MAP1LC3A: variants seen among roughly 807,000 people sequenced by gnomAD.
The protein encoded by MAP1LC3A is microtubule-associated protein 1 light chain 3 alpha.
MAP1LC3A carries 10 observed loss-of-function variants against 15.2 expected under a neutral mutation model. The ratio of observed to expected loss-of-function variants is 0.66; its 90% CI spans 0.41 to 1.12. The LOEUF (loss-of-function observed/expected upper bound fraction) is 1.12. MAP1LC3A is among the 50% of genes most tolerant of loss of function. MAP1LC3A has a pLI of 0.00. For synonymous variants in MAP1LC3A, 63 were observed against 64.3 expected (o/e 0.98, Z 0.10); for missense variants, 138 against 167.3 (o/e 0.82, Z 0.97).
chr20:34,551,129 G>GT (rs1981930176), intron 2 of MAP1LC3A, among the ~76,000 whole-genome samples: 1 of 151,762 alleles, frequency 6.6e-6, no homozygotes, highest in Non-Finnish European at 1.5e-5. Context: ...GCATGCTCCC[G>GT]TAATCCCAGC....
chr20:34,549,119 G>A (rs1431749148), intron 1 of MAP1LC3A, among the ~76,000 whole-genome samples: 2 of 152,194 alleles, frequency 1.3e-5, no homozygotes, highest in Non-Finnish European at 2.9e-5. Context: ...TCCGCCTCCC[G>A]GGTTCAAGTG....
rs1395187025 is a variant in MAP1LC3A at position 34,559,196 on chromosome 20, C to G, written c.41-12C>G. ...GCCCGACCCGGCCTCACGGTCTGGC[C>G]GCTGTCCGCAGCCGACCGCTGTAAG... On this transcript the variant is annotated splice_polypyrimidine_tract_variant and intron_variant, in intron 1 of 3. Transcript: ENST00000360668. 1.3e-6 allele frequency: 2 copies of G among 1,581,198 alleles called. No homozygotes were observed. The highest frequency in any genetic ancestry group is 1.2e-5 in the South Asian group (1 of 86,756).
rs1982296846 is a variant in MAP1LC3A at position 34,559,079 on chromosome 20, G to A, written c.41-129G>A. ...TTCCCCACCGCGATAGGTGCCAGGGGCTGTGGGGCCTGATGGCCCCGGGGG... is the reference window on the plus strand; with the variant it reads ...TTCCCCACCGCGATAGGTGCCAGGGACTGTGGGGCCTGATGGCCCCGGGGG... On this transcript the variant is annotated intron_variant, in intron 1 of 3. Transcript: ENST00000360668. 8 of 1,342,044 alleles carry A rather than the reference G, an allele frequency of 6.0e-6. No individual in the cohort carries two copies. The East Asian group carries it at 2.1e-4, about 35-fold the overall frequency. The allele number at this position is 1,342,044 out of a possible 1,614,324, so 83.1% of individuals were successfully genotyped here. A position where few individuals can be genotyped will look rare whatever the true frequency, so the allele number is the denominator to read the frequency against.
chr20:34,549,840 C>A (rs1600564468), intron 1 of MAP1LC3A: 1 of 682,244 alleles, frequency 1.5e-6, no homozygotes, highest in Middle Eastern at 2.5e-4. Context: ...AGTCTTCAAT[C>A]TCGTCCAGAG....
intron 2 of MAP1LC3A, among the ~76,000 whole-genome samples, chr20:34,550,897 G>A (rs1305013482): frequency 6.6e-6 from 1 of 152,086 alleles, no homozygotes; most frequent in African/African-American, 2.4e-5. Flanking sequence ...AACAGCCCAG[G>A]CATCCATCAA....
intron 1 of MAP1LC3A, among the ~76,000 whole-genome samples, chr20:34,549,123 T>G (rs1021695855): frequency 6.6e-6 from 1 of 152,242 alleles, no homozygotes; most frequent in Non-Finnish European, 1.5e-5. Context: ...CCTCCCGGGT[T>G]CAAGTGATTC....
chr20:34,550,088 C>A, intron 2 of MAP1LC3A: 2 of 1,548,610 alleles, frequency 1.3e-6, no homozygotes, highest in Non-Finnish European at 1.8e-6. Flanking sequence ...TCTGTCCACA[C>A]TCGCGGTCAT....
At chr20:34,558,538 GC>G (rs1982246215), upstream of MAP1LC3A, 2 of 1,120,824 alleles carry the variant, frequency 1.8e-6, no homozygotes, top group Admixed American at 5.0e-5. This position sits in a 1 kb window ranked among gnomAD's most constrained non-coding sequence, Gnocchi z 4.3. Context: ...AAGCTCCCGC[GC>G]TGCCCATGAC....
upstream of MAP1LC3A, among the ~76,000 whole-genome samples, chr20:34,554,894 G>A (rs955742235): frequency 2.7e-5 from 4 of 149,484 alleles, no homozygotes; most frequent in Non-Finnish European, 4.4e-5. Context: ...TTTTTGTAGA[G>A]ATGGGGTTTC....
At chr20:34,555,845 T>TC (rs1491232290), upstream of MAP1LC3A, among the ~76,000 whole-genome samples, 17 of 148,984 alleles carry the variant, frequency 1.1e-4, no homozygotes, top group Non-Finnish European at 2.2e-4. Context: ...AAGTTTTCTT[T>TC]CTTTTTTTTT....
At chr20:34,548,255 G>T (rs1981813257) in intron 1 of MAP1LC3A, among the ~76,000 whole-genome samples, 1 of 152,246 alleles carries the variant, frequency 6.6e-6, no homozygotes, top group Non-Finnish European at 1.5e-5. Flanking sequence ...ACAGCTGGAA[G>T]CCAAACTGGA....
intron 2 of MAP1LC3A, among the ~76,000 whole-genome samples, chr20:34,550,266 T>C (rs942892917): frequency 1.3e-5 from 2 of 152,200 alleles, no homozygotes; most frequent in Non-Finnish European, 2.9e-5. Context: ...TGAGACCCCC[T>C]GAGCAGAAAC....
At chr20:34,554,566 G>A (rs1299810777), upstream of MAP1LC3A, among the ~76,000 whole-genome samples, 1 of 151,472 alleles carries the variant, frequency 6.6e-6, no homozygotes, top group Non-Finnish European at 1.5e-5. Context: ...TAGAGACGGG[G>A]TTTCACCATG....
At chr20:34,559,640 A>G in intron 3 of MAP1LC3A, 96 bp from the exon 4 acceptor site, 1 of 1,372,628 alleles carries the variant, frequency 7.3e-7, no homozygotes, top group Non-Finnish European at 1.0e-6. Flanking sequence ...TGGGGTGAGA[A>G]TGGGTGTGAA....
At chr20:34,547,696 C>T (rs1283689444) in intron 1 of MAP1LC3A, among the ~76,000 whole-genome samples, 1 of 152,142 alleles carries the variant, frequency 6.6e-6, no homozygotes, top group African/African-American at 2.4e-5. Flanking sequence ...CGTCACCTTC[C>T]TCCAGGATTG....
upstream of MAP1LC3A, among the ~76,000 whole-genome samples, chr20:34,555,992 G>A (rs1005016369): frequency 4.0e-5 from 6 of 151,818 alleles, no homozygotes; most frequent in African/African-American, 1.2e-4. Flanking sequence ...ACAGGCGCCC[G>A]CCACCACGCC....
chr20:34,547,371 AT>A (rs916576485), intron 1 of MAP1LC3A, among the ~76,000 whole-genome samples: 12 of 141,166 alleles, frequency 8.5e-5, no homozygotes, highest in South Asian at 2.3e-4. Flanking sequence ...TGGCAGTGGA[AT>A]TTTTTTTTTA....
At chr20:34,551,983 G>A (rs932391480) in intron 2 of MAP1LC3A, among the ~76,000 whole-genome samples, 2 of 152,186 alleles carry the variant, frequency 1.3e-5, no homozygotes, top group South Asian at 2.1e-4. Context: ...GGACAGAGAC[G>A]TAATAAAGCA....
At position 34,559,923 on chromosome 20, in the gene MAP1LC3A, G is replaced by A. The variant is rs1982377194; in HGVS notation, c.*25G>A. On this transcript the variant is annotated 3_prime_UTR_variant, in exon 4 of 4. Coordinates refer to ENST00000360668, the MANE Select transcript of MAP1LC3A (RefSeq NM_032514.4). The stretch of plus-strand genomic sequence containing the variant: ...AGCCAGCAGTAGGGGGGCTCGGCCT[G>A]GGAGTCGGGCGGCCCCGGTCAGGCC... The A allele has an allele frequency of 6.3e-7, 1 of 1,597,962 alleles. No homozygotes were observed. Among genetic ancestry groups the A allele is most frequent in the Non-Finnish European group, 8.5e-7 (1 of 1,173,062 alleles).
Sources: allele counts gnomAD v4.1 joint callset (sites outside exome capture counted in the v4.1 genomes callset), GRCh38; gene constraint gnomAD v4.1.1; non-coding constraint Gnocchi (gnomAD v3.1); transcripts MANE v1.5; gene names NCBI Gene and HGNC (gene_info 2026-07-23, HGNC 2026-07-21).